Variants in IL1RAPL2 observed in about 807,000 individuals in gnomAD.
The protein encoded by IL1RAPL2 is X-linked interleukin-1 receptor accessory protein-like 2.
Under a neutral mutation model 44.1 loss-of-function variants are expected in IL1RAPL2, and 3 were observed. The observed-to-expected ratio is 0.07, with a 90% CI of 0.03 to 0.18. The LOEUF is 0.18. IL1RAPL2 is among the 10% of genes least tolerant of loss of function. The pLI is 1.00. For missense variants in IL1RAPL2, 391 were observed against 496.4 expected, an observed-to-expected ratio of 0.79 and a Z score of 2.02; for synonymous variants, 181 against 178.8, an observed-to-expected ratio of 1.01 and a Z score of -0.10.
intron 6 of IL1RAPL2, among the ~76,000 whole-genome samples, chrX:105,643,809 T>C (rs2037585438): frequency 8.9e-6 from 1 of 112,267 alleles, no homozygotes; most frequent in African/African-American, 3.2e-5. Context: ...GGGAACACTT[T>C]CTGATGATGA....
In IL1RAPL2 at chrX:105,279,512, G is replaced by A. The variant is rs190896844; in HGVS notation, c.697+11971G>A. Among the ~76,000 whole-genome samples, 12 of 111,111 alleles carry A rather than the reference G, an allele frequency of 1.1e-4. No homozygotes were observed. In the East Asian group the frequency reaches 2.6e-3, roughly 24 times the overall value. On this transcript the variant is annotated intron_variant, in intron 5 of 10. Transcript: ENST00000372582. ...TTTGTTTTGTTTGAGATGGAGTGTC[G>A]CTCTGTCACCAGGCTGGAGTGCAGT...
intron 2 of IL1RAPL2, among the ~76,000 whole-genome samples, chrX:104,956,421 A>G (rs2147713555): frequency 9.2e-6 from 1 of 109,225 alleles, no homozygotes; most frequent in East Asian, 2.9e-4. Context: ...CAGGAGTTTG[A>G]GACCAGCCTG....
intron 2 of IL1RAPL2, among the ~76,000 whole-genome samples, chrX:105,004,913 C>A (rs184138620): frequency 7.2e-5 from 8 of 110,803 alleles, no homozygotes; most frequent in Non-Finnish European, 1.5e-4. Context: ...TATCCCCGTC[C>A]CTCAGTGAGG....
intron 5 of IL1RAPL2, among the ~76,000 whole-genome samples, chrX:105,299,051 G>A (rs1239494410): frequency 8.9e-6 from 1 of 111,736 alleles, no homozygotes; most frequent in Non-Finnish European, 1.9e-5. Flanking sequence ...ATTTTTCTGT[G>A]ATGGAGAAAT....
chrX:105,140,529 A>C (rs998319941), intron 2 of IL1RAPL2, among the ~76,000 whole-genome samples: 2 of 112,327 alleles, frequency 1.8e-5, no homozygotes, highest in Non-Finnish European at 3.8e-5. Context: ...AGATGAAAAA[A>C]TCATCCATTT....
intron 5 of IL1RAPL2, among the ~76,000 whole-genome samples, chrX:105,289,743 G>A (rs1033100808): frequency 9.0e-6 from 1 of 111,358 alleles, no homozygotes; most frequent in Non-Finnish European, 1.9e-5. Context: ...TGTTGGATGG[G>A]CAGTTGGATA....
At chrX:104,928,333 C>T (rs1924820691) in intron 2 of IL1RAPL2, among the ~76,000 whole-genome samples, 1 of 111,478 alleles carries the variant, frequency 9.0e-6, no homozygotes, top group Admixed American at 9.5e-5. Context: ...ATTCCGGTTC[C>T]TTGAGAATTT....
chrX:104,964,193 TC>T (rs1229640943), intron 2 of IL1RAPL2, among the ~76,000 whole-genome samples: 1 of 111,598 alleles, frequency 9.0e-6, no homozygotes, highest in Admixed American at 9.6e-5. Context: ...ATCTCCTTTG[TC>T]TTTGCCTGAA....
At chrX:104,651,069 T>C (rs1334856510) in intron 1 of IL1RAPL2, among the ~76,000 whole-genome samples, 2 of 112,203 alleles carry the variant, frequency 1.8e-5, no homozygotes, top group Admixed American at 1.9e-4. Context: ...ATTATTATCA[T>C]CATAAAGTAT....
At chrX:105,134,730 C>A (rs1221147270) in intron 2 of IL1RAPL2, among the ~76,000 whole-genome samples, 1 of 111,521 alleles carries the variant, frequency 9.0e-6, no homozygotes, top group African/African-American at 3.3e-5. Context: ...TATCAGCTTC[C>A]ATTTGTTCTT....
chrX:104,668,745 G>T (rs1254934243), intron 2 of IL1RAPL2, among the ~76,000 whole-genome samples: 1 of 108,426 alleles, frequency 9.2e-6, no homozygotes, highest in African/African-American at 3.4e-5. Flanking sequence ...GGGTGGCACT[G>T]TAATACATTC....
intron 5 of IL1RAPL2, among the ~76,000 whole-genome samples, chrX:105,466,203 C>T (rs762500348): frequency 1.9e-4 from 21 of 110,056 alleles, no homozygotes; most frequent in Non-Finnish European, 3.0e-4. Context: ...CTTGGTGATA[C>T]GACCTTTCAG....
intron 2 of IL1RAPL2, among the ~76,000 whole-genome samples, chrX:105,070,195 CA>C (rs2032188023): frequency 9.0e-6 from 1 of 111,604 alleles, no homozygotes; most frequent in East Asian, 2.8e-4. Context: ...TATTTGGCAG[CA>C]GATGTTTTCT....
chrX:105,185,733 C>T (rs782564786), intron 2 of IL1RAPL2, among the ~76,000 whole-genome samples: 1 of 112,063 alleles, frequency 8.9e-6, no homozygotes, highest in Non-Finnish European at 1.9e-5. Flanking sequence ...GGATTTTATT[C>T]GCTTCACAAT....
intron 5 of IL1RAPL2, among the ~76,000 whole-genome samples, chrX:105,463,064 TA>T (rs2036103856): frequency 8.9e-6 from 1 of 111,786 alleles, no homozygotes; most frequent in East Asian, 2.8e-4. Flanking sequence ...TTCTTTAATA[TA>T]ACAACAGATA....
At chrX:105,537,450 C>T (rs2036686228) in intron 6 of IL1RAPL2, among the ~76,000 whole-genome samples, 2 of 111,771 alleles carry the variant, frequency 1.8e-5, no homozygotes, top group South Asian at 3.7e-4. Context: ...TACTATATTC[C>T]TCTTTAGGCT....
chrX:105,491,465 A>C (rs2036318224), intron 6 of IL1RAPL2, among the ~76,000 whole-genome samples: 1 of 111,859 alleles, frequency 8.9e-6, no homozygotes, highest in South Asian at 3.6e-4. Flanking sequence ...TTAGTTTCAA[A>C]TAACTCCTTA....
At chrX:105,388,410 C>A (rs1339602632) in intron 5 of IL1RAPL2, among the ~76,000 whole-genome samples, 1 of 85,531 alleles carries the variant, frequency 1.2e-5, no homozygotes, top group Non-Finnish European at 2.1e-5. Flanking sequence ...AACACTAATA[C>A]CATGAACAAG....
intron 5 of IL1RAPL2, among the ~76,000 whole-genome samples, chrX:105,364,269 A>G (rs956779795): frequency 1.8e-5 from 2 of 111,138 alleles, no homozygotes; most frequent in East Asian, 2.8e-4. Flanking sequence ...GTCCTTTTCC[A>G]TTGGTCAATG....
Sources: gnomAD v4.1 joint callset for allele counts (sites outside exome capture counted in the v4.1 genomes callset) on GRCh38, gnomAD v4.1.1 for gene constraint, MANE v1.5 for transcripts, NCBI Gene and HGNC (gene_info 2026-07-23, HGNC 2026-07-21) for gene names.